The following SOCS2 variants were observed in gnomAD, a reference collection of about 807,000 sequenced individuals.
SOCS2 encodes CIS-2.
Under a neutral mutation model 18.6 loss-of-function variants are expected in SOCS2, and 10 were observed. The ratio of observed to expected loss-of-function variants is 0.54; its 90% CI spans 0.33 to 0.91. The LOEUF (loss-of-function observed/expected upper bound fraction) is 0.91. SOCS2 is among the 40% of genes least tolerant of loss of function. SOCS2 has a pLI of 0.02. For synonymous variants in SOCS2, 104 were observed against 104.0 expected (o/e 1.00, Z 0.00); for missense variants, 231 against 247.2 (o/e 0.93, Z 0.44).
the SOCS2 span, among the ~76,000 whole-genome samples, chr12:93,596,662 T>TA: frequency 6.6e-6 from 1 of 152,206 alleles, no homozygotes; most frequent in African/African-American, 2.4e-5. Flanking sequence ...ACTCCGTCTC[T>TA]ACTAAAAATA....
At chr12:93,614,603 CTTTCTT>C in the SOCS2 span, among the ~76,000 whole-genome samples, 12 of 109,146 alleles carry the variant, frequency 1.1e-4, no homozygotes, top group Non-Finnish European at 1.8e-4. Flanking sequence ...TTCTTTCTTT[CTTTCTT>C]TCTTTCTTTC....
chr12:93,606,017 A>T, the SOCS2 span, among the ~76,000 whole-genome samples: 3 of 152,382 alleles, frequency 2.0e-5, no homozygotes, highest in South Asian at 6.2e-4. Context: ...TATGTAGTCC[A>T]TGACTGATAT....
downstream of SOCS2, among the ~76,000 whole-genome samples, chr12:93,584,803 C>T (rs552568189): frequency 4.7e-4 from 72 of 152,066 alleles, no homozygotes; most frequent in African/African-American, 1.5e-3. Context: ...GCTTTTGTTG[C>T]CTAGGCTGGA....
chr12:93,615,193 T>C, the SOCS2 span, among the ~76,000 whole-genome samples: 1 of 152,242 alleles, frequency 6.6e-6, no homozygotes, highest in Non-Finnish European at 1.5e-5. Context: ...ATCAGTGATC[T>C]ACTTGTCTGC....
At chr12:93,574,583 A>G (rs1180721122) in intron 1 of SOCS2, 139 bp from the exon 2 acceptor site, 2 of 545,586 alleles carry the variant, frequency 3.7e-6, no homozygotes, top group African/African-American at 1.9e-5. Context: ...GGCCCGGTAA[A>G]CTTTCGCTCA....
chr12:93,623,969 G>T, the SOCS2 span, among the ~76,000 whole-genome samples: 14 of 152,162 alleles, frequency 9.2e-5, no homozygotes, highest in African/African-American at 3.4e-4. Flanking sequence ...CTCCCAAAGT[G>T]CTGGGATTAC....
the SOCS2 span, among the ~76,000 whole-genome samples, chr12:93,614,551 CTTTCTTTCT>C: frequency 3.4e-5 from 1 of 29,366 alleles, no homozygotes; most frequent in Non-Finnish European, 5.8e-5. Flanking sequence ...TTCTTTCTTT[CTTTCTTTCT>C]TTCTTTCTTT....
chr12:93,581,000 G>C (rs1361499747), downstream of SOCS2, among the ~76,000 whole-genome samples: 1 of 152,170 alleles, frequency 6.6e-6, no homozygotes, highest in Non-Finnish European at 1.5e-5. Context: ...CTGCTTCTCT[G>C]TTCTCTCATT....
chr12:93,572,641 G>A (rs749558863), upstream of SOCS2: 2 of 679,922 alleles, frequency 2.9e-6, no homozygotes, highest in Non-Finnish European at 2.7e-6. This position sits in a 1 kb window ranked among gnomAD's most constrained non-coding sequence, Gnocchi z 5.0. Flanking sequence ...CCAGCCGCAG[G>A]GGTCCAGTTT....
chr12:93,585,621 C>T (rs531608406), downstream of SOCS2, among the ~76,000 whole-genome samples: 1 of 152,196 alleles, frequency 6.6e-6, no homozygotes, highest in Admixed American at 6.5e-5. Flanking sequence ...TCTGACTTCA[C>T]GTAAACTTTA....
the SOCS2 span, among the ~76,000 whole-genome samples, chr12:93,602,903 C>T: frequency 2.6e-5 from 4 of 152,184 alleles, no homozygotes; most frequent in Non-Finnish European, 5.9e-5. Context: ...TCCTTTCCAT[C>T]TTTGTAGTTT....
chr12:93,608,374 G>A, the SOCS2 span, among the ~76,000 whole-genome samples: 1 of 151,948 alleles, frequency 6.6e-6, no homozygotes, highest in Non-Finnish European at 1.5e-5. Context: ...TATATAGGAG[G>A]GCACATTTTT....
chr12:93,590,827 G>A, the SOCS2 span, among the ~76,000 whole-genome samples: 34 of 108,400 alleles, frequency 3.1e-4, no homozygotes, highest in African/African-American at 1.2e-3. Flanking sequence ...AAAAAAGTTA[G>A]CTTCCCAGTG....
chr12:93,625,704 C>T, the SOCS2 span, among the ~76,000 whole-genome samples: 15 of 144,018 alleles, frequency 1.0e-4, no homozygotes, highest in Admixed American at 2.2e-4. Flanking sequence ...GCTGAGATCA[C>T]GCCACTGCAC....
the SOCS2 span, among the ~76,000 whole-genome samples, chr12:93,614,362 C>T: frequency 0.11 from 8,492 of 79,590 alleles, 1,170 homozygotes; most frequent in African/African-American, 0.24. Context: ...AGCAATTTTC[C>T]TTCTTTCTTT....
At chr12:93,608,553 GGAT>G in the SOCS2 span, among the ~76,000 whole-genome samples, 14 of 152,056 alleles carry the variant, frequency 9.2e-5, no homozygotes, top group South Asian at 2.3e-3. Flanking sequence ...GTAAAACTGA[GGAT>G]GATATTACAT....
the SOCS2 span, among the ~76,000 whole-genome samples, chr12:93,604,291 A>G: frequency 2.6e-5 from 4 of 152,212 alleles, no homozygotes; most frequent in African/African-American, 9.6e-5. Context: ...TCTTACATGA[A>G]TAAGCCATAT....
At chr12:93,585,056 C>T (rs1476774936), downstream of SOCS2, among the ~76,000 whole-genome samples, 2 of 152,302 alleles carry the variant, frequency 1.3e-5, no homozygotes, top group East Asian at 3.9e-4. Context: ...AGCCATCACG[C>T]CTGGCCATTC....
At chr12:93,571,672 A>C (rs868459172), upstream of SOCS2, 1 of 254,728 alleles carries the variant, frequency 3.9e-6, no homozygotes, top group Non-Finnish European at 7.9e-6. Flanking sequence ...CGAGGCAATG[A>C]TCCTCGAGGC....
Sources: allele counts gnomAD v4.1 joint callset (sites outside exome capture counted in the v4.1 genomes callset), GRCh38; gene constraint gnomAD v4.1.1; non-coding constraint Gnocchi (gnomAD v3.1); transcripts MANE v1.5; gene names NCBI Gene and HGNC (gene_info 2026-07-23, HGNC 2026-07-21).